KCNH8: variants seen among roughly 807,000 people sequenced by gnomAD.
KCNH8 encodes potassium voltage-gated channel subfamily H member 8.
In KCNH8, 70 loss-of-function variants were observed where a neutral mutation model predicts 103.6. The ratio of observed to expected loss-of-function variants is 0.68; its 90% CI spans 0.56 to 0.82. KCNH8 has a LOEUF of 0.82. Among genes scored for constraint, KCNH8 ranks in the 40% least tolerant of loss-of-function variants. The pLI, the probability that KCNH8 is intolerant of heterozygous loss-of-function variation, is 0.00. For missense variants in KCNH8, 1,217 were observed against 1,329.9 expected (o/e 0.92, Z 1.32); for synonymous variants, 498 against 489.4 (o/e 1.02, Z -0.23).
In KCNH8 at chr3:19,347,928, C is replaced by G; in HGVS notation, c.774C>G (p.Thr258=). Residue 258 remains threonine (T), a synonymous_variant, in exon 5 of 16, where the codon ACC becomes ACG. Coordinates refer to ENST00000328405, the MANE Select transcript of KCNH8 (RefSeq NM_144633.3). ...ACCTGTCCACAACTCGGAGCACAAC[C>G]GTCAGTGACATTGCAGTGGAGATTC... ...NDDLSTTRST[T]VSDIAVEILF... The G allele has an allele frequency of 6.2e-7, 1 of 1,613,114 alleles. No homozygotes were observed.
At chr3:19,276,192 T>TGTGC (rs1266240428) in intron 2 of KCNH8, among the ~76,000 whole-genome samples, 1 of 151,444 alleles carries the variant, frequency 6.6e-6, no homozygotes, top group Non-Finnish European at 1.5e-5. Context: ...TGTGTGTGTG[T>TGTGC]GTGTGTGTGT....
intron 2 of KCNH8, among the ~76,000 whole-genome samples, chr3:19,274,417 C>T (rs1162749536): frequency 6.6e-6 from 1 of 152,130 alleles, no homozygotes; most frequent in Non-Finnish European, 1.5e-5. Context: ...TTGGACTGTA[C>T]TCAGTTGTTC....
intron 7 of KCNH8, among the ~76,000 whole-genome samples, chr3:19,406,574 ATGT>A (rs944297694): frequency 4.6e-5 from 7 of 152,130 alleles, no homozygotes; most frequent in African/African-American, 1.7e-4. Context: ...ATTAGCCCAG[ATGT>A]TGTGAGATTC....
intron 7 of KCNH8, among the ~76,000 whole-genome samples, chr3:19,437,537 T>C (rs1481775620): frequency 6.6e-6 from 1 of 152,218 alleles, no homozygotes; most frequent in Admixed American, 6.5e-5. Context: ...CAAGTATTCA[T>C]TACTTGTGCA....
intron 15 of KCNH8, among the ~76,000 whole-genome samples, chr3:19,522,816 A>G (rs2068995594): frequency 6.6e-6 from 1 of 151,832 alleles, no homozygotes; most frequent in South Asian, 2.1e-4. Context: ...GATTGGATCT[A>G]AAATTTTTTT....
intron 5 of KCNH8, among the ~76,000 whole-genome samples, chr3:19,373,740 G>C (rs2066142429): frequency 6.6e-6 from 1 of 151,250 alleles, no homozygotes; most frequent in African/African-American, 2.4e-5. Context: ...TCTCTTGTGG[G>C]CATTTAGTGC....
intron 11 of KCNH8, among the ~76,000 whole-genome samples, chr3:19,500,666 GCTC>G (rs2068559926): frequency 6.6e-6 from 1 of 152,102 alleles, no homozygotes; most frequent in African/African-American, 2.4e-5. Flanking sequence ...TGAACAACCT[GCTC>G]CTCAATGACT....
chr3:19,368,015 C>T (rs1390942691), intron 5 of KCNH8, among the ~76,000 whole-genome samples: 1 of 152,034 alleles, frequency 6.6e-6, no homozygotes, highest in Non-Finnish European at 1.5e-5. Flanking sequence ...TATGACCATA[C>T]AGAGGACCAA....
intron 7 of KCNH8, among the ~76,000 whole-genome samples, chr3:19,433,692 G>T (rs2067155494): frequency 6.6e-6 from 1 of 152,176 alleles, no homozygotes; most frequent in South Asian, 2.1e-4. Flanking sequence ...TACTAATTCA[G>T]AAATGTAAGA....
intron 1 of KCNH8, among the ~76,000 whole-genome samples, chr3:19,186,587 T>C (rs938306245): frequency 6.6e-6 from 1 of 152,028 alleles, no homozygotes; most frequent in Non-Finnish European, 1.5e-5. Flanking sequence ...GATGTGTTTC[T>C]TTGTTTCGTT....
chr3:19,372,196 C>T (rs549356303), intron 5 of KCNH8, among the ~76,000 whole-genome samples: 8 of 152,176 alleles, frequency 5.3e-5, no homozygotes, highest in African/African-American at 9.6e-5. Context: ...TATAAATTAC[C>T]TTGGGCAGTA....
chr3:19,328,991 T>G (rs1244560094), intron 3 of KCNH8, among the ~76,000 whole-genome samples: 1 of 152,198 alleles, frequency 6.6e-6, no homozygotes, highest in Non-Finnish European at 1.5e-5. Flanking sequence ...ATTAGAGATT[T>G]TATAGCTAGT....
At chr3:19,526,883 A>C (rs1156888993) in intron 15 of KCNH8, among the ~76,000 whole-genome samples, 1 of 152,052 alleles carries the variant, frequency 6.6e-6, no homozygotes, top group Non-Finnish European at 1.5e-5. Flanking sequence ...TATTCATTGA[A>C]TGAATCAACA....
intron 11 of KCNH8, among the ~76,000 whole-genome samples, chr3:19,496,270 T>C (rs2068439550): frequency 6.6e-6 from 1 of 152,158 alleles, no homozygotes; most frequent in Admixed American, 6.5e-5. Context: ...CCTGTCTTGC[T>C]CTGGTTTTCA....
At chr3:19,398,464 G>A (rs2066558510) in intron 7 of KCNH8, among the ~76,000 whole-genome samples, 2 of 151,906 alleles carry the variant, frequency 1.3e-5, no homozygotes, top group Admixed American at 1.3e-4. Flanking sequence ...CTCACAGAAG[G>A]TGAATGGAGG....
At chr3:19,510,257 C>G in intron 11 of KCNH8, 106 bp from the exon 12 acceptor site, 5 of 730,422 alleles carry the variant, frequency 6.8e-6, no homozygotes, top group Non-Finnish European at 1.2e-5. Flanking sequence ...CTCCTTCCCT[C>G]CCACAAACTC....
intron 5 of KCNH8, among the ~76,000 whole-genome samples, chr3:19,357,702 G>T (rs1574963556): frequency 1.3e-5 from 2 of 151,702 alleles, no homozygotes; most frequent in Non-Finnish European, 1.5e-5. Flanking sequence ...TGATTGCTTT[G>T]GTCTCTCTAA....
intron 1 of KCNH8, among the ~76,000 whole-genome samples, chr3:19,194,821 A>G (rs1559417213): frequency 6.6e-6 from 1 of 151,950 alleles, no homozygotes; most frequent in Non-Finnish European, 1.5e-5. Flanking sequence ...ACAGTGTTTC[A>G]TTTTAAATAC....
chr3:19,165,649 G>A (rs1299710773), intron 1 of KCNH8, among the ~76,000 whole-genome samples: 1 of 152,132 alleles, frequency 6.6e-6, no homozygotes, highest in African/African-American at 2.4e-5. Context: ...TTGCCAGTTG[G>A]CAACTTTATA....
Sources: allele counts gnomAD v4.1 joint callset (sites outside exome capture counted in the v4.1 genomes callset), GRCh38; gene constraint gnomAD v4.1.1; transcripts MANE v1.5; gene names NCBI Gene and HGNC (gene_info 2026-07-23, HGNC 2026-07-21).